The following CACNA1G variants were observed in gnomAD, a reference collection of about 807,000 sequenced individuals.
CACNA1G encodes the protein voltage-dependent T-type calcium channel subunit alpha-1G.
In CACNA1G, 67 loss-of-function variants were observed where a neutral mutation model predicts 219.4. The ratio of observed to expected loss-of-function variants is 0.31; its 90% CI spans 0.25 to 0.37. CACNA1G has a LOEUF of 0.37. Among genes scored for constraint, CACNA1G ranks in the 10% least tolerant of loss-of-function variants. The pLI, the probability that CACNA1G is intolerant of heterozygous loss-of-function variation, is 1.00. For synonymous variants in CACNA1G, 1,296 were observed against 1,345.3 expected (o/e 0.96, Z 0.80); for missense variants, 2,380 against 3,231.4 (o/e 0.74, Z 6.39).
intron 10 of CACNA1G, among the ~76,000 whole-genome samples, chr17:50,591,081 G>C (rs1209037475): frequency 6.6e-6 from 1 of 152,222 alleles, no homozygotes; most frequent in East Asian, 1.9e-4. Context: ...GCAAGGCCTG[G>C]GGCCAGGAGA....
intron 22 of CACNA1G, among the ~76,000 whole-genome samples, chr17:50,605,526 C>T (rs2047762986): frequency 6.6e-6 from 1 of 152,224 alleles, no homozygotes; most frequent in African/African-American, 2.4e-5. Flanking sequence ...GCTCCCCCAC[C>T]TCAGAGTGTA....
chr17:50,566,274 G>A (rs989064221), intron 1 of CACNA1G, among the ~76,000 whole-genome samples: 1 of 151,978 alleles, frequency 6.6e-6, no homozygotes, highest in African/African-American at 2.4e-5. Context: ...ATGTTCCCAA[G>A]GAAACAAGCC....
intron 28 of CACNA1G, 60 bp downstream of exon 28, chr17:50,616,444 T>C (rs571992414): frequency 9.8e-7 from 1 of 1,025,066 alleles, no homozygotes; most frequent in Non-Finnish European, 1.5e-6. Context: ...ATGAGTCTCT[T>C]GGGGAAATAC....
At chr17:50,592,215 C>A (rs1001318142) in intron 13 of CACNA1G, 123 bp downstream of exon 13, 20 of 1,014,362 alleles carry the variant, frequency 2.0e-5, no homozygotes, top group Admixed American at 2.7e-5. Context: ...ACAGGAAGAG[C>A]CTCTTAGACT....
At chr17:50,592,162 G>A in intron 13 of CACNA1G, 70 bp downstream of exon 13, 1 of 1,505,718 alleles carries the variant, frequency 6.6e-7, no homozygotes, top group Non-Finnish European at 9.0e-7. Context: ...CCTGTCTTGA[G>A]CCTCCTCCCT....
intron 9 of CACNA1G, among the ~76,000 whole-genome samples, chr17:50,587,413 C>T (rs2043210967): frequency 6.6e-6 from 1 of 152,194 alleles, no homozygotes; most frequent in Non-Finnish European, 1.5e-5. Context: ...TTGGCTCCAC[C>T]CCTGCCCCTT....
At chr17:50,620,940 T>A (rs1203886543) in intron 34 of CACNA1G, among the ~76,000 whole-genome samples, 1 of 152,198 alleles carries the variant, frequency 6.6e-6, no homozygotes, top group Non-Finnish European at 1.5e-5. Flanking sequence ...TCCCCTAGCA[T>A]CCTGTGGGCA....
chr17:50,609,769 G>T (rs1311024461), intron 25 of CACNA1G, 113 bp from the exon 26 acceptor site: 5 of 859,922 alleles, frequency 5.8e-6, no homozygotes, highest in East Asian at 5.4e-5. Flanking sequence ...TGGGCTCAGC[G>T]CACCCCACCC....
intron 33 of CACNA1G, 87 bp downstream of exon 33, chr17:50,619,095 C>T (rs2051159898): frequency 9.3e-7 from 1 of 1,073,094 alleles, no homozygotes; most frequent in East Asian, 2.6e-5. Context: ...GCGGGCAGCA[C>T]ACAAACCCTA....
chr17:50,572,917 C>A, intron 6 of CACNA1G, 63 bp downstream of exon 6: 1 of 1,580,462 alleles, frequency 6.3e-7, no homozygotes, highest in Non-Finnish European at 8.6e-7. Flanking sequence ...AGCCCAGGAT[C>A]GGAGTGGTCG....
chr17:50,564,821 G>A (rs2037196396), intron 1 of CACNA1G, among the ~76,000 whole-genome samples: 1 of 152,204 alleles, frequency 6.6e-6, no homozygotes, highest in East Asian at 1.9e-4. Context: ...AGATTCTGGG[G>A]AGAAGGGCTG....
chr17:50,606,347 T>G, intron 23 of CACNA1G: 1 of 629,520 alleles, frequency 1.6e-6, no homozygotes, highest in South Asian at 1.8e-5. Flanking sequence ...GCCCTGGATG[T>G]GAATCCTGTG....
intron 14 of CACNA1G, among the ~76,000 whole-genome samples, chr17:50,595,720 G>A (rs889265696): frequency 1.3e-5 from 2 of 152,006 alleles, no homozygotes; most frequent in Non-Finnish European, 2.9e-5. Context: ...ACCAGAATTC[G>A]GGGCGAAGCC....
Position 50,591,564 on chromosome 17 carries a change from C to T in CACNA1G, c.2583C>T (p.Thr861=). The T allele has an allele frequency of 6.2e-7, 1 of 1,613,176 alleles. No individual in the cohort carries two copies. ...GGCAGCTGGTGGTGCTCATGAAGACCATGGACAACGTGGCCACCTTCTGCA... is the reference window on the plus strand; with the variant it reads ...GGCAGCTGGTGGTGCTCATGAAGACTATGGACAACGTGGCCACCTTCTGCA... ...LQRQLVVLMK[T]MDNVATFCML... The change falls in exon 11 of 38, where the codon ACC becomes ACT. Residue 861 remains threonine (T), a synonymous_variant. Coordinates refer to ENST00000359106, the MANE Select transcript of CACNA1G (RefSeq NM_018896.5).
In CACNA1G at chr17:50,578,628, A is replaced by C; in HGVS notation, c.2301+64A>C. 1 of 1,461,806 alleles carries C rather than the reference A, an allele frequency of 6.8e-7. No individual in the cohort carries two copies. Among genetic ancestry groups the C allele is most frequent in the East Asian group, 2.4e-5 (1 of 42,188 alleles). 90.6% of individuals were successfully genotyped at this position (1,461,806 alleles called of 1,614,324 possible). A position where few individuals can be genotyped will look rare whatever the true frequency, so the allele number is the denominator to read the frequency against. On this transcript the variant is annotated intron_variant, in intron 9 of 37. Coordinates refer to ENST00000359106, the MANE Select transcript of CACNA1G (RefSeq NM_018896.5). The surrounding 1 kb of genome is among the most constrained non-coding windows in gnomAD (Gnocchi z 4.5). ...TTTTCGCCTGGGGCTGGGGCCTTCTACCTCCCTCCGCACCCCTCCTCCTGA... is the reference window on the plus strand; with the variant it reads ...TTTTCGCCTGGGGCTGGGGCCTTCTCCCTCCCTCCGCACCCCTCCTCCTGA...
In CACNA1G at chr17:50,596,011, G is replaced by A. The variant is rs1040906299; in HGVS notation, c.2980-551G>A. On this transcript the variant is annotated intron_variant, in intron 14 of 37. Coordinates refer to ENST00000359106, the MANE Select transcript of CACNA1G (RefSeq NM_018896.5). This position sits in a 1 kb window ranked among gnomAD's most constrained non-coding sequence, Gnocchi z 4.8. ...GGGAGAGAGGTAAAAATGGGGCCAG[G>A]GAGGGGGCCGGGACTTGGGGAAGAT... 6.6e-6 allele frequency among the ~76,000 whole-genome samples: 1 copy of A among 152,226 alleles called. No homozygotes were observed. The highest frequency in any genetic ancestry group is 1.5e-5 in the Non-Finnish European group (1 of 68,046).
rs1350156555 is a variant in CACNA1G, at chr17:50,609,955, G to A, written c.4759+20G>A. 1 of 1,605,790 alleles carries A rather than the reference G, an allele frequency of 6.2e-7. No individual in the cohort carries two copies. Among genetic ancestry groups the A allele is most frequent in the East Asian group, 2.2e-5 (1 of 44,870 alleles). On this transcript the variant is annotated intron_variant, in intron 26 of 37. Transcript: ENST00000359106. The stretch of plus-strand genomic sequence containing the variant: ...CGTCAGGTACTGCGTCTGGGGTGTG[G>A]GCTCATGCGTGTGGGGACATGCTCT...
At chr17:50,608,677 C>A (rs1246559986) in intron 25 of CACNA1G, among the ~76,000 whole-genome samples, 1 of 152,190 alleles carries the variant, frequency 6.6e-6, no homozygotes, top group African/African-American at 2.4e-5. Context: ...TGCTCCCCAG[C>A]ATCTCTTGGC....
At position 50,624,412 on chromosome 17, in the gene CACNA1G, G is replaced by C. The variant is rs771491405; in HGVS notation, c.6282G>C (p.Gln2094His). ...SQPADTSYIL[Q>H]LPKDAPHLLQ... The stretch of plus-strand genomic sequence containing the variant: ...CAGCAGATACCAGCTACATCCTGCA[G>C]CTTCCCAAAGATGCACCTCATCTGC... The change falls in exon 37 of 38, where the codon CAG (glutamine) becomes CAC (histidine). Residue 2094 changes from glutamine to histidine, a missense_variant. Physicochemically the swap from Gln to His is conservative, Grantham distance 24. This residue lies in a region of CACNA1G where 672 missense variants were observed against 670.5 expected (regional missense o/e 1.00). Coordinates refer to ENST00000359106, the MANE Select transcript of CACNA1G (RefSeq NM_018896.5). 1.9e-6 allele frequency: 3 copies of C among 1,574,902 alleles called. No homozygotes were observed. In the East Asian group the frequency reaches 7.1e-5, roughly 37 times the overall value.
Sources: gnomAD v4.1 joint callset for allele counts (sites outside exome capture counted in the v4.1 genomes callset) on GRCh38, gnomAD v4.1.1 for gene constraint, gnomAD v4.1.1 regional missense constraint, Gnocchi (gnomAD v3.1) non-coding constraint, MANE v1.5 for transcripts, NCBI Gene and HGNC (gene_info 2026-07-23, HGNC 2026-07-21) for gene names.